Variants in CTNNA3 observed in about 807,000 individuals in gnomAD.
The protein encoded by CTNNA3 is catenin alpha-3.
CTNNA3 carries 76 observed loss-of-function variants against 95.7 expected under a neutral mutation model. That is an observed-to-expected ratio of 0.79 (90% CI 0.66 to 0.96). The LOEUF is 0.96. Among genes scored for constraint, CTNNA3 ranks in the 40% least tolerant of loss-of-function variants. The pLI is 0.00. For missense variants in CTNNA3, 1,191 were observed against 1,089.8 expected (o/e 1.09, Z -1.31); for synonymous variants, 431 against 374.4 (o/e 1.15, Z -1.74).
At chr10:66,797,870 G>T (rs1841271617) in intron 7 of CTNNA3, among the ~76,000 whole-genome samples, 1 of 151,736 alleles carries the variant, frequency 6.6e-6, no homozygotes, top group Admixed American at 6.6e-5. Flanking sequence ...AAAATATGAT[G>T]AATTCCTATT....
chr10:67,485,067 T>C lies in CTNNA3; in HGVS notation c.579+36775A>G, dbSNP rs576324212. Among the ~76,000 whole-genome samples the C allele has an allele frequency of 2.6e-5, 4 of 152,220 alleles. No homozygotes were observed. The South Asian group carries it at 6.2e-4, about 24-fold the overall frequency. ...CAATAGCAAAGACATGGAATCAACA[T>C]AGATGCCCATCAGTGGTGGACTGGA... On this transcript the variant is annotated intron_variant, in intron 5 of 17. Coordinates refer to ENST00000433211, the MANE Select transcript of CTNNA3 (RefSeq NM_013266.4).
At chr10:67,501,510 G>T (rs1044533680) in intron 5 of CTNNA3, among the ~76,000 whole-genome samples, 2 of 152,124 alleles carry the variant, frequency 1.3e-5, no homozygotes, top group Non-Finnish European at 2.9e-5. Flanking sequence ...ATGTTGGCCT[G>T]TCTTGCTAGG....
chr10:67,262,234 C>T (rs1564519782), intron 5 of CTNNA3, among the ~76,000 whole-genome samples: 1 of 151,892 alleles, frequency 6.6e-6, no homozygotes, highest in Admixed American at 6.6e-5. Context: ...AATTTAGTTC[C>T]CACAATAAAT....
Position 65,984,998 on chromosome 10 carries a change from AT to A in CTNNA3, c.2265+3693del, listed in dbSNP as rs372449238. 9.3e-4 allele frequency among the ~76,000 whole-genome samples: 141 copies of A among 151,096 alleles called. 3 individuals carry two copies. In the South Asian group the frequency reaches 0.028, roughly 30 times the overall value. ...TAAATACTAAATACTAAAAAAAAGG[AT>A]TAATAAAATTTTATAATAATTAAAG... On this transcript the variant is annotated intron_variant, in intron 16 of 17. Transcript: ENST00000433211.
rs186621663 is a variant in CTNNA3, at chr10:67,061,369, G to A, written c.1047+118948C>T. ...ACAGCACTATTTACAAAATAGAAAC[G>A]TTTGGTTCATCAGCAAAGTAATTTT... is the stretch of plus-strand genomic sequence containing the variant. On this transcript the variant is annotated intron_variant, in intron 7 of 17. Coordinates refer to ENST00000433211, the MANE Select transcript of CTNNA3 (RefSeq NM_013266.4). Among the ~76,000 whole-genome samples the A allele has an allele frequency of 1.3e-3, 198 of 152,248 alleles. 1 individual carries two copies. Among genetic ancestry groups the A allele is most frequent in the African/African-American group, 4.6e-3 (190 of 41,538 alleles).
intron 11 of CTNNA3, among the ~76,000 whole-genome samples, chr10:66,410,078 A>T (rs761549527): frequency 6.6e-6 from 1 of 152,228 alleles, no homozygotes; most frequent in Non-Finnish European, 1.5e-5. Context: ...AAATACATCT[A>T]TATTTTTAAA....
At chr10:66,968,766 C>T (rs989268901) in intron 7 of CTNNA3, among the ~76,000 whole-genome samples, 31 of 152,016 alleles carry the variant, frequency 2.0e-4, no homozygotes, top group African/African-American at 7.5e-4. Flanking sequence ...CCTGTAATCC[C>T]AGCACTTTGG....
At chr10:67,509,027 C>A (rs1839518779) in intron 5 of CTNNA3, among the ~76,000 whole-genome samples, 1 of 151,992 alleles carries the variant, frequency 6.6e-6, no homozygotes, top group African/African-American at 2.4e-5. Flanking sequence ...TAGGCACCTG[C>A]CACCACGCCT....
In CTNNA3 at chr10:66,967,766, G is replaced by A. The variant is rs962371518; in HGVS notation, c.1048-192242C>T. 4.2e-4 allele frequency among the ~76,000 whole-genome samples: 64 copies of A among 152,162 alleles called. 1 individual carries two copies. The highest frequency in any genetic ancestry group is 1.4e-3 in the African/African-American group (58 of 41,510). On this transcript the variant is annotated intron_variant, in intron 7 of 17. Coordinates refer to ENST00000433211, the MANE Select transcript of CTNNA3 (RefSeq NM_013266.4). ...AGAGTGCCAGTGAGAAAAATAATCT[G>A]TTTAGTAGATTTAAATTATCATTAT... is the stretch of plus-strand genomic sequence containing the variant.
intron 1 of CTNNA3, among the ~76,000 whole-genome samples, chr10:67,746,030 T>C (rs1278551128): frequency 1.3e-5 from 2 of 152,148 alleles, no homozygotes; most frequent in Non-Finnish European, 2.9e-5. Flanking sequence ...ATGCAACCAC[T>C]ATCGAAATAC....
rs545118395 is a variant in CTNNA3 at position 67,208,100 on chromosome 10, C to T, written c.843+11507G>A. 7.9e-5 allele frequency among the ~76,000 whole-genome samples: 12 copies of T among 152,166 alleles called. No homozygotes were observed. In the South Asian group the frequency reaches 2.1e-3, roughly 26 times the overall value. On this transcript the variant is annotated intron_variant, in intron 6 of 17. Transcript: ENST00000433211. The stretch of plus-strand genomic sequence containing the variant: ...GCTATAAGAACAGCCAGGCCAGGCG[C>T]GGTGGCTCATGCCTGTAATCCTAGC...
intron 3 of CTNNA3, among the ~76,000 whole-genome samples, chr10:67,551,929 A>C (rs963560766): frequency 2.0e-5 from 3 of 152,330 alleles, no homozygotes; most frequent in African/African-American, 4.8e-5. Context: ...AAGAGGTCAA[A>C]AATATTGGGT....
At chr10:67,148,666 T>C (rs1168436881) in intron 7 of CTNNA3, among the ~76,000 whole-genome samples, 3 of 152,168 alleles carry the variant, frequency 2.0e-5, no homozygotes, top group Non-Finnish European at 4.4e-5. Flanking sequence ...CACATCAAAA[T>C]TTCCTCATCC....
chr10:67,246,157 A>G (rs1375263578), intron 5 of CTNNA3, among the ~76,000 whole-genome samples: 1 of 152,220 alleles, frequency 6.6e-6, no homozygotes, highest in Non-Finnish European at 1.5e-5. Context: ...TCCCTAATTA[A>G]TAACGATTTT....
At chr10:66,007,043 T>C (rs1159901226) in intron 15 of CTNNA3, among the ~76,000 whole-genome samples, 2 of 152,150 alleles carry the variant, frequency 1.3e-5, no homozygotes. Context: ...CATTCTAGTC[T>C]AGTACAGCTA....
intron 10 of CTNNA3, among the ~76,000 whole-genome samples, chr10:66,546,840 T>C (rs1842048810): frequency 6.6e-6 from 1 of 152,144 alleles, no homozygotes; most frequent in African/African-American, 2.4e-5. Flanking sequence ...AGCCAAACCA[T>C]AGTCATGGTC....
chr10:66,948,298 A>C (rs1426867718), intron 7 of CTNNA3, among the ~76,000 whole-genome samples: 1 of 152,230 alleles, frequency 6.6e-6, no homozygotes, highest in African/African-American at 2.4e-5. Flanking sequence ...AGAAAGTTTT[A>C]ATAAAGCTTT....
chr10:66,066,459 C>T (rs2080315415), intron 15 of CTNNA3, among the ~76,000 whole-genome samples: 1 of 152,006 alleles, frequency 6.6e-6, no homozygotes, highest in Non-Finnish European at 1.5e-5. Context: ...AAGAGAGAAG[C>T]AGAGACATAT....
chr10:67,559,727 T>C (rs966547543), intron 3 of CTNNA3, among the ~76,000 whole-genome samples: 5 of 152,060 alleles, frequency 3.3e-5, no homozygotes, highest in African/African-American at 9.7e-5. Context: ...GCAAAGAAGT[T>C]AAAAACTTTG....
Sources: allele counts gnomAD v4.1 joint callset (sites outside exome capture counted in the v4.1 genomes callset), GRCh38; gene constraint gnomAD v4.1.1; transcripts MANE v1.5; gene names NCBI Gene and HGNC (gene_info 2026-07-23, HGNC 2026-07-21).